KIF6: variants seen among roughly 807,000 people sequenced by gnomAD.
The protein encoded by KIF6 is kinesin family member 6.
KIF6 carries 106 observed loss-of-function variants against 112.7 expected under a neutral mutation model. The ratio of observed to expected loss-of-function variants is 0.94; its 90% CI spans 0.80 to 1.11. The LOEUF is 1.11. Among genes scored for constraint, KIF6 ranks in the 50% least tolerant of loss-of-function variants. KIF6 has a pLI of 0.00. For missense variants in KIF6, 929 were observed against 964.0 expected (o/e 0.96, Z 0.48); for synonymous variants, 339 against 339.9 (o/e 1.00, Z 0.03).
At chr6:39,693,087 A>G (rs1219538354) in intron 3 of KIF6, among the ~76,000 whole-genome samples, 1 of 152,228 alleles carries the variant, frequency 6.6e-6, no homozygotes, top group African/African-American at 2.4e-5. Context: ...TGCCCAGATC[A>G]ATGTACGCAT....
At chr6:39,448,336 G>C (rs1000338702) in intron 13 of KIF6, among the ~76,000 whole-genome samples, 1 of 151,890 alleles carries the variant, frequency 6.6e-6, no homozygotes, top group Admixed American at 6.6e-5. Flanking sequence ...CACCACACCC[G>C]GCTGATTTTT....
chr6:39,603,270 T>G (rs1425227120), intron 6 of KIF6, among the ~76,000 whole-genome samples: 1 of 152,074 alleles, frequency 6.6e-6, no homozygotes, highest in Non-Finnish European at 1.5e-5. Context: ...AGCAGCAATG[T>G]GACTGTGGAG....
chr6:39,575,794 C>A (rs1401136125), intron 10 of KIF6, among the ~76,000 whole-genome samples: 1 of 152,128 alleles, frequency 6.6e-6, no homozygotes, highest in Non-Finnish European at 1.5e-5. Context: ...CTCTCCTGCT[C>A]CAGGGCTCCA....
At chr6:39,358,062 A>T (rs1161938472) in intron 18 of KIF6, among the ~76,000 whole-genome samples, 1 of 152,242 alleles carries the variant, frequency 6.6e-6, no homozygotes, top group Non-Finnish European at 1.5e-5. Context: ...GTCAGGAGAC[A>T]TCCACCGAGC....
Position 39,343,370 on chromosome 6 carries a change from C to T in KIF6, c.2428+339G>A, listed in dbSNP as rs1286815239. ...TACCAAAACATCACTCAGCCCCTTC[C>T]TGTTTGTAGAAGCCTGAGCAGAGGA... On this transcript the variant is annotated intron_variant, in intron 22 of 22. Transcript: ENST00000287152. The surrounding 1 kb of genome is among the most constrained non-coding windows in gnomAD (Gnocchi z 4.1). The T allele has an allele frequency of 7.6e-7, 1 of 1,318,916 alleles. No homozygotes were observed. The highest frequency in any genetic ancestry group is 1.5e-5 in the African/African-American group (1 of 67,070). 81.7% of individuals were successfully genotyped at this position (1,318,916 alleles called of 1,614,324 possible).
At chr6:39,678,140 A>T (rs1280883977) in intron 3 of KIF6, among the ~76,000 whole-genome samples, 1 of 151,914 alleles carries the variant, frequency 6.6e-6, no homozygotes, top group Non-Finnish European at 1.5e-5. Context: ...ATCATTAAAA[A>T]GTCAGGAAAC....
At chr6:39,585,044 T>C (rs1781546510) in intron 8 of KIF6, 60 bp from the exon 9 acceptor site, 2 of 974,466 alleles carry the variant, frequency 2.1e-6, no homozygotes, top group Non-Finnish European at 1.6e-6. Context: ...TCTTTCTAGA[T>C]AAAACTTATC....
At chr6:39,550,234 T>G (rs1252346516) in intron 10 of KIF6, among the ~76,000 whole-genome samples, 1 of 152,250 alleles carries the variant, frequency 6.6e-6, no homozygotes, top group Non-Finnish European at 1.5e-5. Flanking sequence ...GTGTCAGCAG[T>G]GGGTTCTAGA....
intron 16 of KIF6, among the ~76,000 whole-genome samples, chr6:39,363,911 TG>T (rs1179587196): frequency 6.6e-6 from 1 of 152,202 alleles, no homozygotes; most frequent in Non-Finnish European, 1.5e-5. Context: ...CTCACTACTT[TG>T]CAGGGTAGTG....
chr6:39,546,642 A>G (rs1161536987), intron 10 of KIF6, among the ~76,000 whole-genome samples: 1 of 152,130 alleles, frequency 6.6e-6, no homozygotes, highest in African/African-American at 2.4e-5. Context: ...CCTGACCAAC[A>G]GAGTGAAACC....
intron 17 of KIF6, among the ~76,000 whole-genome samples, chr6:39,360,884 T>TTC (rs2150258554): frequency 6.6e-6 from 1 of 152,202 alleles, no homozygotes; most frequent in East Asian, 1.9e-4. Context: ...CTCACAACCC[T>TTC]ATGAAGGAGA....
chr6:39,446,892 C>T (rs1772365193), intron 13 of KIF6, among the ~76,000 whole-genome samples: 1 of 152,120 alleles, frequency 6.6e-6, no homozygotes, highest in Non-Finnish European at 1.5e-5. Context: ...AACAATATGG[C>T]AGCAATGAAT....
At chr6:39,593,199 T>C (rs1782047582) in intron 7 of KIF6, among the ~76,000 whole-genome samples, 1 of 152,184 alleles carries the variant, frequency 6.6e-6, no homozygotes, top group African/African-American at 2.4e-5. Flanking sequence ...ATTTGTTGAA[T>C]GAATGAATGA....
At chr6:39,651,086 AG>A (rs1349162930) in intron 3 of KIF6, among the ~76,000 whole-genome samples, 1 of 152,182 alleles carries the variant, frequency 6.6e-6, no homozygotes, top group Non-Finnish European at 1.5e-5. Flanking sequence ...AAAAACCCAA[AG>A]GGCTAATTTA....
At chr6:39,419,838 TC>T (rs2150364163) in intron 15 of KIF6, 109 bp downstream of exon 15, 2 of 915,878 alleles carry the variant, frequency 2.2e-6, no homozygotes, top group East Asian at 4.8e-5. Context: ...GCAGGGGCTC[TC>T]CTGAAACTGG....
At chr6:39,555,678 T>A (rs1317372267) in intron 10 of KIF6, among the ~76,000 whole-genome samples, 2 of 151,990 alleles carry the variant, frequency 1.3e-5, no homozygotes, top group South Asian at 2.1e-4. Context: ...TGAGGCCGGG[T>A]GCAGTGGCTC....
At chr6:39,384,434 T>G (rs1030873670) in intron 16 of KIF6, among the ~76,000 whole-genome samples, 4 of 152,194 alleles carry the variant, frequency 2.6e-5, no homozygotes, top group African/African-American at 9.7e-5. Flanking sequence ...CAATGCTAAG[T>G]GTGTGCCCAA....
chr6:39,562,714 A>G (rs1780076212), intron 10 of KIF6, among the ~76,000 whole-genome samples: 1 of 152,202 alleles, frequency 6.6e-6, no homozygotes, highest in Admixed American at 6.5e-5. Flanking sequence ...TAGACTACAT[A>G]TATAAAAAGT....
chr6:39,675,416 A>G (rs1472081321), intron 3 of KIF6, among the ~76,000 whole-genome samples: 2 of 152,212 alleles, frequency 1.3e-5, no homozygotes, highest in Non-Finnish European at 2.9e-5. Flanking sequence ...TACTACCCAA[A>G]TGTCATGCAA....
Sources: gnomAD v4.1 joint callset for allele counts (sites outside exome capture counted in the v4.1 genomes callset) on GRCh38, gnomAD v4.1.1 for gene constraint, Gnocchi (gnomAD v3.1) non-coding constraint, MANE v1.5 for transcripts, NCBI Gene and HGNC (gene_info 2026-07-23, HGNC 2026-07-21) for gene names.